Variants in DCC observed in about 807,000 individuals in gnomAD.
The protein encoded by DCC is DCC netrin 1 receptor.
DCC carries 58 observed loss-of-function variants against 172.5 expected under a neutral mutation model. That is an observed-to-expected ratio of 0.34 (90% confidence interval 0.27 to 0.42). DCC has a LOEUF of 0.42. Ranked by LOEUF, DCC falls within the 10% of genes least tolerant of loss-of-function variation. The probability of loss-of-function intolerance (pLI) is 1.00; values close to 1 mark genes in which losing one functional copy is unlikely to be tolerated. For synonymous variants in DCC, 709 were observed against 644.5 expected, an observed-to-expected ratio of 1.10 and a Z score of -1.52; for missense variants, 1,740 against 1,791.0, an observed-to-expected ratio of 0.97 and a Z score of 0.51.
chr18:53,366,800 G>A (rs1599070796), intron 15 of DCC, among the ~76,000 whole-genome samples: 1 of 152,138 alleles, frequency 6.6e-6, no homozygotes, highest in African/African-American at 2.4e-5. Flanking sequence ...GGTGAGCAAA[G>A]GTGCCAATGC....
intron 1 of DCC, among the ~76,000 whole-genome samples, chr18:52,686,769 A>T (rs1329458547): frequency 1.3e-5 from 2 of 152,072 alleles, no homozygotes; most frequent in Non-Finnish European, 2.9e-5. Flanking sequence ...AGGGTTGGAG[A>T]TAAATCAACT....
chr18:52,748,764 A>G (rs2036948372), intron 1 of DCC, among the ~76,000 whole-genome samples: 2 of 152,212 alleles, frequency 1.3e-5, no homozygotes, highest in African/African-American at 4.8e-5. Context: ...TTACTGAGTG[A>G]CAGAACATCT....
At chr18:52,882,148 G>T (rs943856205) in intron 2 of DCC, among the ~76,000 whole-genome samples, 1 of 152,004 alleles carries the variant, frequency 6.6e-6, no homozygotes, top group Non-Finnish European at 1.5e-5. Flanking sequence ...TTTATATCCT[G>T]CAACTTTACT....
chr18:53,145,365 G>T (rs1335446624), intron 7 of DCC, among the ~76,000 whole-genome samples: 1 of 151,956 alleles, frequency 6.6e-6, no homozygotes, highest in African/African-American at 2.4e-5. Context: ...CGCCCGCCTC[G>T]GCCTCCCGAA....
At chr18:52,643,958 G>T (rs78745178) in intron 1 of DCC, among the ~76,000 whole-genome samples, 17,007 of 149,692 alleles carry the variant, frequency 0.11, 1,282 homozygotes, top group Admixed American at 0.2. Context: ...CAGTATTTTG[G>T]TTTTTTTTTT....
chr18:53,096,933 G>T (rs2043096262), intron 7 of DCC, among the ~76,000 whole-genome samples: 1 of 151,990 alleles, frequency 6.6e-6, no homozygotes. Flanking sequence ...CATTCTCAAA[G>T]GGTTTACAAA....
At chr18:53,183,481 AT>A (rs1474391550) in intron 9 of DCC, among the ~76,000 whole-genome samples, 1 of 152,034 alleles carries the variant, frequency 6.6e-6, no homozygotes, top group African/African-American at 2.4e-5. Flanking sequence ...TTTTTGAATT[AT>A]TATTTGCAGT....
At chr18:52,937,653 T>A (rs940020036) in intron 5 of DCC, among the ~76,000 whole-genome samples, 4 of 152,108 alleles carry the variant, frequency 2.6e-5, no homozygotes, top group African/African-American at 9.6e-5. Flanking sequence ...CTGGCTAATT[T>A]AAAAAAAATT....
chr18:53,139,840 A>G (rs2043803888), intron 7 of DCC, among the ~76,000 whole-genome samples: 1 of 152,082 alleles, frequency 6.6e-6, no homozygotes. Flanking sequence ...CGCATCACAT[A>G]AGGCCTATTT....
At chr18:53,045,483 A>C (rs2042225396) in intron 5 of DCC, among the ~76,000 whole-genome samples, 1 of 151,898 alleles carries the variant, frequency 6.6e-6, no homozygotes. Context: ...GCCTTATCCC[A>C]AATGACAAAG....
At chr18:53,131,907 A>C (rs1033895874) in intron 7 of DCC, among the ~76,000 whole-genome samples, 1 of 148,338 alleles carries the variant, frequency 6.7e-6, no homozygotes, top group African/African-American at 2.5e-5. Context: ...TAAATTTTAC[A>C]GCCTATAATG....
chr18:52,877,747 G>T (rs765284831), intron 2 of DCC, among the ~76,000 whole-genome samples: 28 of 151,706 alleles, frequency 1.8e-4, no homozygotes, highest in Non-Finnish European at 3.8e-4. Context: ...GTCTTTCTTT[G>T]TCAAATATGA....
chr18:53,445,918 A>G (rs1350662959), intron 22 of DCC, among the ~76,000 whole-genome samples: 3 of 151,808 alleles, frequency 2.0e-5, no homozygotes, highest in Non-Finnish European at 4.4e-5. Context: ...AGAGACAGGT[A>G]TATTATGATA....
intron 2 of DCC, among the ~76,000 whole-genome samples, chr18:52,898,973 G>A (rs2039772239): frequency 6.6e-6 from 1 of 152,218 alleles, no homozygotes; most frequent in Non-Finnish European, 1.5e-5. Context: ...AACGTCTACT[G>A]ATTTACAATT....
intron 1 of DCC, among the ~76,000 whole-genome samples, chr18:52,632,758 T>G (rs2034700894): frequency 6.6e-6 from 1 of 152,250 alleles, no homozygotes; most frequent in Admixed American, 6.5e-5. Context: ...GTTTTCTGCT[T>G]ATTTTTATAG....
intron 1 of DCC, among the ~76,000 whole-genome samples, chr18:52,426,004 T>C (rs188691299): frequency 2.4e-4 from 37 of 152,270 alleles, no homozygotes; most frequent in Admixed American, 1.0e-3. Context: ...GATCTCACTG[T>C]TGTTATCTCA....
chr18:53,124,747 C>T (rs2043530639), intron 7 of DCC, among the ~76,000 whole-genome samples: 1 of 151,984 alleles, frequency 6.6e-6, no homozygotes, highest in Non-Finnish European at 1.5e-5. Context: ...AGGTGGATCA[C>T]CTGAGGTCAG....
At chr18:53,165,837 T>C (rs2054911008) in intron 8 of DCC, among the ~76,000 whole-genome samples, 1 of 152,176 alleles carries the variant, frequency 6.6e-6, no homozygotes, top group South Asian at 2.1e-4. Context: ...TACTGATGAA[T>C]GTATAACCAC....
chr18:52,780,268 G>A (rs76093543), intron 2 of DCC, among the ~76,000 whole-genome samples: 1 of 152,032 alleles, frequency 6.6e-6, no homozygotes, highest in African/African-American at 2.4e-5. Context: ...GCTCAATTCT[G>A]TGCAATTCTA....
Sources: gnomAD v4.1 joint callset for allele counts (sites outside exome capture counted in the v4.1 genomes callset) on GRCh38, gnomAD v4.1.1 for gene constraint, MANE v1.5 for transcripts, NCBI Gene and HGNC (gene_info 2026-07-23, HGNC 2026-07-21) for gene names.